ACAP2: variants seen among roughly 807,000 people sequenced by gnomAD.
ACAP2 encodes the protein ArfGAP with coiled-coil, ankyrin repeat and PH domains 2.
ACAP2 carries 39 observed loss-of-function variants against 115.8 expected under a neutral mutation model. The ratio of observed to expected loss-of-function variants is 0.34; its 90% confidence interval spans 0.26 to 0.44. The LOEUF (loss-of-function observed/expected upper bound fraction) is 0.44. Among genes scored for constraint, ACAP2 ranks in the 20% least tolerant of loss-of-function variants. The probability of loss-of-function intolerance (pLI) is 1.00; values close to 1 mark genes in which losing one functional copy is unlikely to be tolerated. For synonymous variants in ACAP2, 289 were observed against 315.8 expected (o/e 0.92, Z 0.90); for missense variants, 662 against 927.6 (o/e 0.71, Z 3.72).
intron 4 of ACAP2, among the ~76,000 whole-genome samples, chr3:195,352,103 C>G (rs1278646775): frequency 1.3e-5 from 2 of 151,926 alleles, no homozygotes; most frequent in African/African-American, 4.8e-5. Flanking sequence ...AACGGTGGTC[C>G]CATAAAATTA....
At chr3:195,435,705 A>G (rs1018897212) in intron 1 of ACAP2, among the ~76,000 whole-genome samples, 1 of 152,160 alleles carries the variant, frequency 6.6e-6, no homozygotes, top group African/African-American at 2.4e-5. Flanking sequence ...CCTTATGGTC[A>G]GAAAATATTT....
At chr3:195,286,607 C>A (rs776655283) in intron 21 of ACAP2, among the ~76,000 whole-genome samples, 2 of 152,244 alleles carry the variant, frequency 1.3e-5, no homozygotes, top group African/African-American at 2.4e-5. Flanking sequence ...TCTCTGGCAA[C>A]TGCAGCGTGT....
chr3:195,401,132 A>C (rs1712254480), intron 1 of ACAP2, among the ~76,000 whole-genome samples: 1 of 152,182 alleles, frequency 6.6e-6, no homozygotes. Flanking sequence ...TGGAAGTGGT[A>C]CTGAAGGCAC....
At chr3:195,310,752 T>G (rs1302226963) in intron 10 of ACAP2, among the ~76,000 whole-genome samples, 1 of 152,222 alleles carries the variant, frequency 6.6e-6, no homozygotes, top group Non-Finnish European at 1.5e-5. Context: ...AACCTAAGGA[T>G]CATATGTATT....
At chr3:195,434,075 T>C (rs1315673977) in intron 1 of ACAP2, among the ~76,000 whole-genome samples, 2 of 152,052 alleles carry the variant, frequency 1.3e-5, no homozygotes, top group African/African-American at 4.8e-5. Flanking sequence ...ACTATAGGCA[T>C]GTACCACCAC....
At chr3:195,367,052 CAAAAAAAAAAA>C (rs35590029) in intron 4 of ACAP2, among the ~76,000 whole-genome samples, 1 of 76,240 alleles carries the variant, frequency 1.3e-5, no homozygotes, top group Admixed American at 1.5e-4. Flanking sequence ...CCAACCCCGC[CAAAAAAAAAAA>C]AAAAAAAACG....
intron 2 of ACAP2, among the ~76,000 whole-genome samples, chr3:195,389,044 T>TA (rs769670440): frequency 1.3e-3 from 170 of 135,476 alleles, no homozygotes; most frequent in South Asian, 5.4e-3. Context: ...AATTAAAAAT[T>TA]AAAAAAAAAA....
chr3:195,290,846 A>C lies in ACAP2; in HGVS notation c.2063+860T>G, dbSNP rs561606433. Among the ~76,000 whole-genome samples the C allele has an allele frequency of 4.7e-4, 60 of 126,848 alleles. No homozygotes were observed. In the East Asian group the frequency reaches 0.014, roughly 29 times the overall value. The allele number at this position is 126,848 out of a possible 152,430, so 83.2% of individuals were successfully genotyped here. A position where few individuals can be genotyped will look rare whatever the true frequency, so the allele number is the denominator to read the frequency against. ...TAAATAAATAAATAAATAAATAAAT[A>C]AATAATAAATAAATAAATAAATAAA... On this transcript the variant is annotated intron_variant, in intron 20 of 22. Transcript: ENST00000326793.
intron 22 of ACAP2, chr3:195,282,286 G>A (rs946113250): frequency 1.3e-5 from 2 of 152,170 alleles, no homozygotes; most frequent in Non-Finnish European, 1.5e-5. Flanking sequence ...ATGCTTCCTT[G>A]AATGAAAGTG....
intron 4 of ACAP2, among the ~76,000 whole-genome samples, chr3:195,376,405 A>ATT (rs913292129): frequency 3.9e-5 from 6 of 152,076 alleles, no homozygotes; most frequent in African/African-American, 1.4e-4. Context: ...ATATATATAT[A>ATT]TTGTGATAAA....
intron 1 of ACAP2, among the ~76,000 whole-genome samples, chr3:195,427,299 A>T (rs1714755937): frequency 6.6e-6 from 1 of 152,202 alleles, no homozygotes; most frequent in Non-Finnish European, 1.5e-5. Flanking sequence ...TGAGATCTGT[A>T]TCAAAACTGT....
Position 195,368,637 on chromosome 3 carries a change from A to G in ACAP2, c.285+12372T>C, listed in dbSNP as rs1021223048. Among the ~76,000 whole-genome samples, 3 of 152,184 alleles carry G rather than the reference A, an allele frequency of 2.0e-5. 1 individual carries two copies. ...TGTTTCCATAGCATCATCATTTAGTATTACAGATTCTTATTAGAATATAAT... is the reference window on the plus strand; with the variant it reads ...TGTTTCCATAGCATCATCATTTAGTGTTACAGATTCTTATTAGAATATAAT... On this transcript the variant is annotated intron_variant, in intron 4 of 22. Transcript: ENST00000326793.
intron 1 of ACAP2, among the ~76,000 whole-genome samples, chr3:195,429,015 G>C (rs925649776): frequency 2.0e-5 from 3 of 152,122 alleles, no homozygotes; most frequent in African/African-American, 7.2e-5. Context: ...TCAAACAATG[G>C]AAGCAATCTA....
intron 8 of ACAP2, among the ~76,000 whole-genome samples, chr3:195,327,437 A>G (rs9844555): frequency 0.011 from 1,749 of 152,226 alleles, 35 homozygotes; most frequent in African/African-American, 0.039. Context: ...GCTACTTCCA[A>G]CCATTCAAGA....
chr3:195,347,399 G>A (rs959319311), intron 4 of ACAP2, among the ~76,000 whole-genome samples: 5 of 152,032 alleles, frequency 3.3e-5, no homozygotes, highest in African/African-American at 9.7e-5. Flanking sequence ...GAACAATACC[G>A]ATCTCAAAAA....
chr3:195,327,956 A>T (rs1457600783), intron 8 of ACAP2, among the ~76,000 whole-genome samples: 3 of 151,930 alleles, frequency 2.0e-5, no homozygotes, highest in Non-Finnish European at 4.4e-5. Flanking sequence ...AAATATATAT[A>T]TATGTATATA....
intron 1 of ACAP2, among the ~76,000 whole-genome samples, chr3:195,417,006 C>A (rs1356014517): frequency 6.6e-6 from 1 of 151,742 alleles, no homozygotes; most frequent in Non-Finnish European, 1.5e-5. Flanking sequence ...GCCTCAACTC[C>A]TGTGCTCAAG....
Position 195,279,284 on chromosome 3 carries a change from T to G in ACAP2, c.*44A>C. On this transcript the variant is annotated 3_prime_UTR_variant, in exon 23 of 23. Transcript: ENST00000326793. ...AATTGTGATTTTTTAGCTGTATACA[T>G]TAGGGGGTCACCAGATTTCATATTT... The G allele has an allele frequency of 2.2e-6, 3 of 1,366,522 alleles. No individual in the cohort carries two copies. Among genetic ancestry groups the G allele is most frequent in the Non-Finnish European group, 3.1e-6 (3 of 967,448 alleles). 84.6% of individuals were successfully genotyped at this position (1,366,522 alleles called of 1,614,324 possible). A position where few individuals can be genotyped will look rare whatever the true frequency, so the allele number is the denominator to read the frequency against.
chr3:195,371,980 C>T (rs1733181969), intron 4 of ACAP2, among the ~76,000 whole-genome samples: 2 of 152,124 alleles, frequency 1.3e-5, no homozygotes, highest in South Asian at 4.1e-4. Flanking sequence ...ATTTTATAAT[C>T]TTTCAATAAA....
Sources: gnomAD v4.1 joint callset for allele counts (sites outside exome capture counted in the v4.1 genomes callset) on GRCh38, gnomAD v4.1.1 for gene constraint, MANE v1.5 for transcripts, NCBI Gene and HGNC (gene_info 2026-07-23, HGNC 2026-07-21) for gene names.